LUZP2: variants seen among roughly 807,000 people sequenced by gnomAD.
LUZP2 encodes leucine zipper protein 2.
LUZP2 carries 52 observed loss-of-function variants against 51.6 expected under a neutral mutation model. The observed-to-expected ratio is 1.01, with a 90% CI of 0.81 to 1.27. LUZP2 has a LOEUF of 1.27. LUZP2 is among the 50% of genes most tolerant of loss of function. LUZP2 has a pLI of 0.00. For missense variants in LUZP2, 436 were observed against 395.4 expected, an observed-to-expected ratio of 1.10 and a Z score of -0.87; for synonymous variants, 154 against 137.3, an observed-to-expected ratio of 1.12 and a Z score of -0.85.
chr11:24,649,175 A>T (rs540327447), intron 1 of LUZP2, among the ~76,000 whole-genome samples: 11 of 152,076 alleles, frequency 7.2e-5, no homozygotes. Context: ...TACTCTCCCT[A>T]TTGAGAAATA....
At chr11:24,867,175 G>A (rs560117971) in intron 5 of LUZP2, among the ~76,000 whole-genome samples, 28 of 152,230 alleles carry the variant, frequency 1.8e-4, no homozygotes, top group African/African-American at 6.5e-4. Flanking sequence ...AAAGAGGAAG[G>A]ATTCCTTTTA....
rs1857809417 is a variant in LUZP2, at chr11:25,035,062, A to C, written c.766-14976A>C. 4.6e-5 allele frequency among the ~76,000 whole-genome samples: 7 copies of C among 152,224 alleles called. No homozygotes were observed. In the South Asian group the frequency reaches 1.5e-3, roughly 32 times the overall value. On this transcript the variant is annotated intron_variant, in intron 9 of 11. Transcript: ENST00000336930. ...TAAAATAATAAGAGCCATCCTTGAC[A>C]AATCCAAAACAACATCATACTGAAA... is the stretch of plus-strand genomic sequence containing the variant.
chr11:24,507,343 G>A (rs995207562), intron 1 of LUZP2, among the ~76,000 whole-genome samples: 2 of 152,132 alleles, frequency 1.3e-5, no homozygotes, highest in South Asian at 4.1e-4. Flanking sequence ...CTGAAGTCAG[G>A]AGAATGGGAA....
intron 7 of LUZP2, among the ~76,000 whole-genome samples, chr11:24,962,061 T>C (rs955502794): frequency 1.3e-5 from 2 of 151,690 alleles, no homozygotes; most frequent in African/African-American, 4.8e-5. Context: ...TCTTTAAGAA[T>C]GTTGAATATT....
intron 1 of LUZP2, 111 bp from the exon 2 acceptor site, chr11:24,729,058 A>G (rs1858605099): frequency 2.0e-6 from 1 of 504,528 alleles, no homozygotes; most frequent in African/African-American, 2.0e-5. Context: ...CATCTTAGTA[A>G]TTGAGGTTTT....
chr11:25,046,941 C>T (rs1286403712), intron 9 of LUZP2, among the ~76,000 whole-genome samples: 11 of 152,030 alleles, frequency 7.2e-5, no homozygotes, highest in Non-Finnish European at 1.5e-4. Flanking sequence ...GGGAGGGTAA[C>T]AGAAATAAAA....
At chr11:24,979,303 G>T (rs1245160947) in intron 8 of LUZP2, among the ~76,000 whole-genome samples, 1 of 151,698 alleles carries the variant, frequency 6.6e-6, no homozygotes, top group Non-Finnish European at 1.5e-5. Context: ...ACTGGAGGCT[G>T]ATTTTAACAA....
At chr11:24,650,104 A>G (rs902623365) in intron 1 of LUZP2, among the ~76,000 whole-genome samples, 4 of 151,912 alleles carry the variant, frequency 2.6e-5, no homozygotes, top group African/African-American at 7.2e-5. Flanking sequence ...CCATCCATTC[A>G]AAATCCTTTG....
intron 9 of LUZP2, among the ~76,000 whole-genome samples, chr11:24,984,290 A>G (rs1295431599): frequency 6.6e-6 from 1 of 151,274 alleles, no homozygotes; most frequent in Non-Finnish European, 1.5e-5. Flanking sequence ...TTTGAATTAA[A>G]GTGGGTAGAT....
At chr11:24,594,490 C>T (rs538169779) in intron 1 of LUZP2, among the ~76,000 whole-genome samples, 25 of 152,174 alleles carry the variant, frequency 1.6e-4, no homozygotes, top group African/African-American at 5.8e-4. Context: ...ATTCAGGGAT[C>T]GATACTTTGA....
At chr11:24,533,934 T>C (rs2133829930) in intron 1 of LUZP2, among the ~76,000 whole-genome samples, 1 of 151,450 alleles carries the variant, frequency 6.6e-6, no homozygotes, top group East Asian at 1.9e-4. Context: ...ATCTTTCTGC[T>C]GCACTGTGTT....
intron 10 of LUZP2, among the ~76,000 whole-genome samples, chr11:25,058,922 T>A (rs942925124): frequency 2.0e-5 from 3 of 152,190 alleles, no homozygotes; most frequent in Non-Finnish European, 4.4e-5. Context: ...CTGCATAAAT[T>A]GGCATCATAG....
rs185042063 is a variant in LUZP2, at chr11:25,024,588, A to G, written c.766-25450A>G. On this transcript the variant is annotated intron_variant, in intron 9 of 11. Transcript: ENST00000336930. ...TAAAATACCTAGGAATCCAACTTAC[A>G]AAGGATGTGAAGGACCTCTTCAAGG... Among the ~76,000 whole-genome samples, 1,027 of 152,226 alleles carry G rather than the reference A, an allele frequency of 6.7e-3. 33 individuals carry two copies. The East Asian group carries it at 0.098, about 15-fold the overall frequency.
intron 9 of LUZP2, among the ~76,000 whole-genome samples, chr11:25,014,585 G>T (rs7108743): frequency 0.43 from 64,880 of 151,942 alleles, 15,276 homozygotes; most frequent in East Asian, 0.77. Flanking sequence ...TCGCCCACTT[G>T]TTGATGGGGT....
At chr11:24,784,470 C>A (rs1441842995) in intron 5 of LUZP2, among the ~76,000 whole-genome samples, 1 of 151,884 alleles carries the variant, frequency 6.6e-6, no homozygotes, top group Non-Finnish European at 1.5e-5. Flanking sequence ...TTTCTTCCAT[C>A]CTTTGGAAGT....
chr11:24,563,772 A>G (rs1264110839), intron 1 of LUZP2, among the ~76,000 whole-genome samples: 2 of 152,202 alleles, frequency 1.3e-5, no homozygotes, highest in Non-Finnish European at 2.9e-5. Flanking sequence ...AAACTAGTAT[A>G]GTAATTAAGA....
intron 5 of LUZP2, among the ~76,000 whole-genome samples, chr11:24,807,237 C>T (rs907344600): frequency 2.0e-5 from 3 of 151,866 alleles, no homozygotes; most frequent in East Asian, 1.9e-4. Flanking sequence ...GGGAGGTGGG[C>T]AGATCACCTG....
intron 1 of LUZP2, among the ~76,000 whole-genome samples, chr11:24,533,028 T>G (rs566994570): frequency 6.6e-6 from 1 of 151,176 alleles, no homozygotes; most frequent in African/African-American, 2.4e-5. Flanking sequence ...ACTTGAAAAA[T>G]ACTAACATCA....
At chr11:24,752,939 G>A (rs1035950165) in intron 4 of LUZP2, among the ~76,000 whole-genome samples, 1 of 151,884 alleles carries the variant, frequency 6.6e-6, no homozygotes, top group African/African-American at 2.4e-5. Context: ...TGAAAATATT[G>A]CATATGTAAC....
Sources: allele counts gnomAD v4.1 joint callset (sites outside exome capture counted in the v4.1 genomes callset), GRCh38; gene constraint gnomAD v4.1.1; transcripts MANE v1.5; gene names NCBI Gene and HGNC (gene_info 2026-07-23, HGNC 2026-07-21).